Variants in CENPU observed in about 807,000 individuals in gnomAD.
CENPU encodes KSHV latent nuclear antigen interacting protein 1.
Under a neutral mutation model 56.7 loss-of-function variants are expected in CENPU, and 46 were observed. That is an observed-to-expected ratio of 0.81 (90% CI 0.64 to 1.04). The LOEUF (loss-of-function observed/expected upper bound fraction) is 1.04. Ranked by LOEUF, CENPU falls within the 50% of genes least tolerant of loss-of-function variation. The pLI is 0.00. For missense variants in CENPU, 510 were observed against 490.1 expected (o/e 1.04, Z -0.38); for synonymous variants, 166 against 163.0 (o/e 1.02, Z -0.14).
chr4:184,708,219 T>A (rs59008348), intron 8 of CENPU, among the ~76,000 whole-genome samples: 21,106 of 75,390 alleles, frequency 0.28, 2,797 homozygotes, highest in East Asian at 0.76. Flanking sequence ...TGAGACTCCA[T>A]CTCAAAAAAA....
intron 8 of CENPU, among the ~76,000 whole-genome samples, chr4:184,703,087 C>T (rs1260969990): frequency 3.3e-5 from 5 of 152,036 alleles, no homozygotes; most frequent in African/African-American, 2.4e-5. Flanking sequence ...AAAAAAACAC[C>T]GGAAACATGT....
intron 3 of CENPU, among the ~76,000 whole-genome samples, chr4:184,727,670 GA>G (rs1761505543): frequency 6.6e-6 from 1 of 152,084 alleles, no homozygotes; most frequent in Non-Finnish European, 1.5e-5. Flanking sequence ...CAAGAGAAGT[GA>G]AAAAAGTCCA....
At chr4:184,702,817 C>T (rs1289532575) in intron 8 of CENPU, among the ~76,000 whole-genome samples, 2 of 152,116 alleles carry the variant, frequency 1.3e-5, no homozygotes, top group Non-Finnish European at 2.9e-5. Context: ...AGTAAGAACA[C>T]GCGGTATTTG....
At chr4:184,718,082 T>C (rs1191968269) in intron 4 of CENPU, among the ~76,000 whole-genome samples, 2 of 152,230 alleles carry the variant, frequency 1.3e-5, no homozygotes, top group African/African-American at 4.8e-5. Flanking sequence ...GGATCTCCTA[T>C]GGTCAGTGCC....
intron 8 of CENPU, among the ~76,000 whole-genome samples, chr4:184,709,717 T>C (rs1002938519): frequency 6.6e-6 from 1 of 151,488 alleles, no homozygotes; most frequent in African/African-American, 2.4e-5. Context: ...ATCCAATAAT[T>C]AGAGATTCTA....
At chr4:184,729,722 A>G (rs905714818) in intron 2 of CENPU, among the ~76,000 whole-genome samples, 1 of 152,236 alleles carries the variant, frequency 6.6e-6, no homozygotes, top group Non-Finnish European at 1.5e-5. Flanking sequence ...GTTCATAAAC[A>G]GTTTTAAGGG....
rs772236166 is a variant in CENPU at position 184,694,456 on chromosome 4, T to G, written c.*832A>C. 2.6e-6 allele frequency: 4 copies of G among 1,552,036 alleles called. No individual in the cohort carries two copies. The highest frequency in any genetic ancestry group is 3.5e-6 in the Non-Finnish European group (4 of 1,147,038). ...CTTACTTCAACATAGAGTATAAGGT[T>G]AAATCACATATCCTGAGTAAATATT... On this transcript the variant is annotated 3_prime_UTR_variant, in exon 13 of 13. Coordinates refer to ENST00000281453, the MANE Select transcript of CENPU (RefSeq NM_024629.4).
At chr4:184,721,662 C>T (rs1299213168) in intron 4 of CENPU, among the ~76,000 whole-genome samples, 2 of 152,044 alleles carry the variant, frequency 1.3e-5, no homozygotes, top group Admixed American at 6.5e-5. Flanking sequence ...CAAAGAAGGT[C>T]ACTACATAAT....
At chr4:184,698,952 AG>A (rs201578465) in intron 11 of CENPU, among the ~76,000 whole-genome samples, 49 of 152,158 alleles carry the variant, frequency 3.2e-4, no homozygotes, top group Non-Finnish European at 2.8e-4. Flanking sequence ...TATATACCAT[AG>A]GTTTTTTTAT....
intron 8 of CENPU, among the ~76,000 whole-genome samples, chr4:184,709,726 T>C (rs10033035): frequency 0.18 from 26,875 of 151,398 alleles, 2,652 homozygotes; most frequent in African/African-American, 0.26. Flanking sequence ...TTAGAGATTC[T>C]ATCTAGATCT....
intron 8 of CENPU, among the ~76,000 whole-genome samples, chr4:184,708,479 T>TA (rs1760805645): frequency 6.6e-6 from 1 of 151,066 alleles, no homozygotes; most frequent in African/African-American, 2.4e-5. Flanking sequence ...AATAAAAAAT[T>TA]AAAAAACCTT....
intron 2 of CENPU, among the ~76,000 whole-genome samples, chr4:184,729,387 G>A (rs1034139766): frequency 5.3e-5 from 8 of 152,190 alleles, no homozygotes; most frequent in East Asian, 1.9e-4. Flanking sequence ...TTTGCAGGCC[G>A]TAAGGTTTCT....
chr4:184,709,791 AT>A (rs1166698442), intron 8 of CENPU, among the ~76,000 whole-genome samples: 3 of 151,754 alleles, frequency 2.0e-5, no homozygotes, highest in African/African-American at 7.3e-5. Context: ...AAGCCTCAAA[AT>A]TTAAAAAAAA....
intron 8 of CENPU, among the ~76,000 whole-genome samples, chr4:184,707,348 T>G (rs536323365): frequency 1.3e-5 from 2 of 151,834 alleles, no homozygotes; most frequent in East Asian, 1.9e-4. Flanking sequence ...TCATCAATAG[T>G]GTGCCTGCTC....
intron 11 of CENPU, 150 bp from the exon 12 acceptor site, chr4:184,697,953 C>T: frequency 1.7e-6 from 1 of 576,758 alleles, no homozygotes; most frequent in Non-Finnish European, 3.0e-6. Context: ...GTAAAAGATT[C>T]TGGGTTTCAG....
At chr4:184,733,734 C>G (rs1308588720) in intron 1 of CENPU, among the ~76,000 whole-genome samples, 1 of 152,254 alleles carries the variant, frequency 6.6e-6, no homozygotes, top group African/African-American at 2.4e-5. Context: ...CACTTTGAGA[C>G]TCACTACTTT....
intron 11 of CENPU, chr4:184,698,220 C>T (rs1335457730): frequency 6.5e-6 from 1 of 154,088 alleles, no homozygotes; most frequent in Non-Finnish European, 1.4e-5. Flanking sequence ...TGTCCACTTT[C>T]CAAAGTCTAA....
At chr4:184,719,738 T>C (rs1761211863) in intron 4 of CENPU, among the ~76,000 whole-genome samples, 1 of 152,170 alleles carries the variant, frequency 6.6e-6, no homozygotes, top group Non-Finnish European at 1.5e-5. Context: ...GAGACCCCTT[T>C]CTTCTGTGAG....
chr4:184,721,474 A>AAT (rs1225033400), intron 4 of CENPU, among the ~76,000 whole-genome samples: 1 of 150,484 alleles, frequency 6.6e-6, no homozygotes, highest in Non-Finnish European at 1.5e-5. Flanking sequence ...AAAAAAAAAA[A>AAT]AAAAGGACCC....
Sources: gnomAD v4.1 joint callset for allele counts (sites outside exome capture counted in the v4.1 genomes callset) on GRCh38, gnomAD v4.1.1 for gene constraint, MANE v1.5 for transcripts, NCBI Gene and HGNC (gene_info 2026-07-23, HGNC 2026-07-21) for gene names.